ZBBX: variants seen among roughly 807,000 people sequenced by gnomAD.
ZBBX encodes zinc finger B-box domain containing, also known as zinc finger B-box domain-containing protein 1.
Under a neutral mutation model 108.5 loss-of-function variants are expected in ZBBX, and 101 were observed. The observed-to-expected ratio is 0.93, with a 90% CI of 0.79 to 1.10. The LOEUF is 1.10. Ranked by LOEUF, ZBBX falls within the 50% of genes least tolerant of loss-of-function variation. ZBBX has a pLI of 0.00. For synonymous variants in ZBBX, 356 were observed against 323.4 expected, an observed-to-expected ratio of 1.10 and a Z score of -1.08; for missense variants, 1,009 against 941.4, an observed-to-expected ratio of 1.07 and a Z score of -0.94.
chr3:167,335,745 A>G (rs1368131997), intron 9 of ZBBX, among the ~76,000 whole-genome samples: 1 of 151,804 alleles, frequency 6.6e-6, no homozygotes, highest in African/African-American at 2.4e-5. Context: ...GTGAACATCA[A>G]ATTAACTAGT....
At chr3:167,373,031 G>C (rs1746388956) in intron 3 of ZBBX, 81 bp from the exon 4 acceptor site, 3 of 623,892 alleles carry the variant, frequency 4.8e-6, no homozygotes, top group Non-Finnish European at 7.8e-6. Flanking sequence ...ATATAATTCA[G>C]GAATGTTTTT....
intron 20 of ZBBX, among the ~76,000 whole-genome samples, chr3:167,272,220 C>G (rs547529519): frequency 5.3e-4 from 80 of 152,276 alleles, no homozygotes; most frequent in Admixed American, 1.6e-3. Context: ...ATGGACTGCC[C>G]TATTTACACT....
chr3:167,266,869 C>T lies in ZBBX; in HGVS notation c.2254+15369G>A, dbSNP rs565632664. On this transcript the variant is annotated intron_variant, in intron 20 of 21. Coordinates refer to ENST00000675490, the MANE Select transcript of ZBBX (RefSeq NM_001199201.2). The stretch of plus-strand genomic sequence containing the variant: ...TGGGGAGGGATTTCCGGTCCTTTCC[C>T]GTGAGAAGGCACGCCCCGCCACCTC... Among the ~76,000 whole-genome samples the T allele has an allele frequency of 2.3e-4, 35 of 152,222 alleles. No homozygotes were observed. The Middle Eastern group carries it at 0.017, about 74-fold the overall frequency.
the ZBBX span, among the ~76,000 whole-genome samples, chr3:167,205,839 C>A: frequency 2.1e-4 from 32 of 151,492 alleles, no homozygotes; most frequent in African/African-American, 7.3e-4. Flanking sequence ...GTATTGTAAG[C>A]AAATGTAAAG....
At chr3:167,253,973 C>T (rs1723049170) in intron 20 of ZBBX, among the ~76,000 whole-genome samples, 1 of 151,984 alleles carries the variant, frequency 6.6e-6, no homozygotes, top group Admixed American at 6.6e-5. Flanking sequence ...TGACAGGCAT[C>T]AAAGGAAAAC....
At chr3:167,323,424 C>G (rs528149236) in intron 11 of ZBBX, among the ~76,000 whole-genome samples, 69 of 151,982 alleles carry the variant, frequency 4.5e-4, no homozygotes, top group African/African-American at 1.6e-3. Context: ...TGGGAGGTGA[C>G]CTGGGTTAAT....
At chr3:167,348,463 G>A (rs1054389432) in intron 9 of ZBBX, among the ~76,000 whole-genome samples, 3 of 125,142 alleles carry the variant, frequency 2.4e-5, no homozygotes, top group African/African-American at 9.1e-5. Context: ...AAAGAGGAAA[G>A]AAAGAAAGAG....
chr3:167,210,027 T>C, the ZBBX span, among the ~76,000 whole-genome samples: 13 of 152,162 alleles, frequency 8.5e-5, no homozygotes, highest in Middle Eastern at 3.4e-3. Context: ...GAAGTGGAGG[T>C]TGCAGTGAGC....
Position 167,242,600 on chromosome 3 carries a change from T to C in ZBBX, c.2298A>G (p.Pro766=), listed in dbSNP as rs757021422. 8 of 1,613,758 alleles carry C rather than the reference T, an allele frequency of 5.0e-6. No homozygotes were observed. The highest frequency in any genetic ancestry group is 1.1e-5 in the South Asian group (1 of 91,068). ...TATTCAGTGATTGGCTGCTGAAATC[T>C]GGGAACTCTTCTGAGGTTAAGCTGT... ...KLYSLTSEEF[P]DFSSQSLNIS... is the part of the protein sequence containing the mutation. The change falls in exon 21 of 22, where the codon CCA becomes CCG. Residue 766 remains proline (P), a synonymous_variant. Coordinates refer to ENST00000675490, the MANE Select transcript of ZBBX (RefSeq NM_001199201.2).
At chr3:167,276,476 C>G (rs1727601808) in intron 20 of ZBBX, among the ~76,000 whole-genome samples, 1 of 152,074 alleles carries the variant, frequency 6.6e-6, no homozygotes, top group South Asian at 2.1e-4. Flanking sequence ...ATGCAATCAA[C>G]TGGAAGAAAG....
intron 6 of ZBBX, among the ~76,000 whole-genome samples, chr3:167,364,401 T>G (rs1456896735): frequency 6.6e-6 from 1 of 152,020 alleles, no homozygotes; most frequent in Non-Finnish European, 1.5e-5. Flanking sequence ...TCTCCTTTAC[T>G]TTCGTCCTTA....
chr3:167,400,652 G>A (rs1237415438), intron 1 of ZBBX, among the ~76,000 whole-genome samples: 3 of 152,040 alleles, frequency 2.0e-5, no homozygotes, highest in Admixed American at 1.3e-4. Flanking sequence ...ATTTTGCCAA[G>A]GTTGAGGGCC....
the ZBBX span, among the ~76,000 whole-genome samples, chr3:167,205,044 G>A: frequency 6.6e-6 from 1 of 152,062 alleles, no homozygotes; most frequent in Non-Finnish European, 1.5e-5. Context: ...GAGAAGACAT[G>A]GTGACAATAT....
chr3:167,343,943 A>G (rs1199772250), intron 9 of ZBBX, among the ~76,000 whole-genome samples: 3 of 152,008 alleles, frequency 2.0e-5, no homozygotes, highest in Non-Finnish European at 4.4e-5. Context: ...CATTACTTAT[A>G]ATAGCCAAAA....
rs151221056 is a variant in ZBBX at position 167,395,945 on chromosome 3, G to A, written c.-446+11781C>T. The stretch of plus-strand genomic sequence containing the variant: ...CTAGCTTCCTGGAGTCTACTTTAAG[G>A]CTTGGGTACAAACCTCAGTGAAAGT... On this transcript the variant is annotated intron_variant, in intron 1 of 21. Transcript: ENST00000455345. 3.3e-5 allele frequency among the ~76,000 whole-genome samples: 5 copies of A among 152,022 alleles called. No individual in the cohort carries two copies. In the East Asian group the frequency reaches 9.7e-4, roughly 30 times the overall value.
At position 167,368,595 on chromosome 3, in the gene ZBBX, T is replaced by C. The variant is rs1209503940; in HGVS notation, c.69-21A>G. The C allele has an allele frequency of 9.1e-6, 14 of 1,535,940 alleles. No individual in the cohort carries two copies. In the Admixed American group the frequency reaches 2.9e-4, roughly 32 times the overall value. On this transcript the variant is annotated intron_variant, in intron 4 of 21. Coordinates refer to ENST00000675490, the MANE Select transcript of ZBBX (RefSeq NM_001199201.2). ...CATTTCTGAAGACATAAGATTTAAA[T>C]GGAGAAAGCAGAAAAACAAGCGAAG...
chr3:167,376,215 A>ATTTTCAAATGTAATTCTCTTT (rs1417893344), intron 2 of ZBBX, among the ~76,000 whole-genome samples: 36 of 152,288 alleles, frequency 2.4e-4, no homozygotes, highest in Middle Eastern at 3.4e-3. Flanking sequence ...AGGTGGTAGC[A>ATTTTCAAATGTAATTCTCTTT]TTTTCAAATG....
chr3:167,194,029 G>T, the ZBBX span, among the ~76,000 whole-genome samples: 1 of 151,920 alleles, frequency 6.6e-6, no homozygotes, highest in Non-Finnish European at 1.5e-5. Context: ...AAGTTAGATA[G>T]AATAAGTTTT....
chr3:167,340,484 C>T (rs570479692), intron 9 of ZBBX, among the ~76,000 whole-genome samples: 16 of 152,154 alleles, frequency 1.1e-4, no homozygotes, highest in Non-Finnish European at 2.2e-4. Context: ...TGAGCATTAT[C>T]TCTCAATTTT....
Sources: gnomAD v4.1 joint callset for allele counts (sites outside exome capture counted in the v4.1 genomes callset) on GRCh38, gnomAD v4.1.1 for gene constraint, MANE v1.5 for transcripts, NCBI Gene and HGNC (gene_info 2026-07-23, HGNC 2026-07-21) for gene names.